MARCHF10: variants seen among roughly 807,000 people sequenced by gnomAD.
MARCHF10 encodes the protein membrane associated ring-CH-type finger 10.
In MARCHF10, 64 loss-of-function variants were observed where a neutral mutation model predicts 76.2. The ratio of observed to expected loss-of-function variants is 0.84; its 90% CI spans 0.69 to 1.03. The LOEUF is 1.03. MARCHF10 is among the 50% of genes least tolerant of loss of function. The pLI, the probability that MARCHF10 is intolerant of heterozygous loss-of-function variation, is 0.00. For synonymous variants in MARCHF10, 340 were observed against 357.5 expected (o/e 0.95, Z 0.55); for missense variants, 875 against 958.0 (o/e 0.91, Z 1.14).
chr17:62,737,920 A>AAATCG (rs1305231744), intron 5 of MARCHF10: 1 of 152,268 alleles, frequency 6.6e-6, no homozygotes, highest in Non-Finnish European at 1.5e-5. Flanking sequence ...ATCGCTCATG[A>AAATCG]AATCGTTATC....
chr17:62,776,187 T>C (rs754280595), intron 3 of MARCHF10, among the ~76,000 whole-genome samples: 11 of 152,192 alleles, frequency 7.2e-5, no homozygotes, highest in Non-Finnish European at 1.6e-4. Context: ...AACAAACACA[T>C]AGCGCTACTT....
intron 4 of MARCHF10, among the ~76,000 whole-genome samples, chr17:62,747,275 C>T (rs1007618901): frequency 1.3e-5 from 2 of 152,182 alleles, no homozygotes; most frequent in African/African-American, 4.8e-5. Flanking sequence ...GTGCAGAACG[C>T]CCAAGATGGC....
intron 3 of MARCHF10, among the ~76,000 whole-genome samples, chr17:62,786,859 A>G (rs529407315): frequency 6.6e-6 from 1 of 152,312 alleles, no homozygotes; most frequent in East Asian, 1.9e-4. Flanking sequence ...CCTCTGCATG[A>G]AAGTTCCCTG....
chr17:62,798,886 C>T (rs554486668), intron 2 of MARCHF10, among the ~76,000 whole-genome samples: 65 of 152,318 alleles, frequency 4.3e-4, no homozygotes, highest in South Asian at 1.0e-3. Flanking sequence ...AAATCAGGAT[C>T]TCAGGCTGGG....
intron 1 of MARCHF10, among the ~76,000 whole-genome samples, chr17:62,803,484 G>A (rs2093111420): frequency 6.6e-6 from 1 of 151,878 alleles, no homozygotes; most frequent in Non-Finnish European, 1.5e-5. Context: ...AGGAGGAGGT[G>A]GAGGACAGTG....
chr17:62,803,057 G>A (rs1233141494), intron 1 of MARCHF10, among the ~76,000 whole-genome samples: 6 of 152,120 alleles, frequency 3.9e-5, no homozygotes, highest in Admixed American at 6.5e-5. Context: ...CACGCCTCCC[G>A]AGGTGAATCA....
In MARCHF10 at chr17:62,725,091, C is replaced by T. The variant is rs1417005034; in HGVS notation, c.1951G>A (p.Asp651Asn). 1.3e-6 allele frequency: 2 copies of T among 1,598,960 alleles called. No individual in the cohort carries two copies. The highest frequency in any genetic ancestry group is 1.7e-6 in the Non-Finnish European group (2 of 1,175,022). Residue 651 changes from aspartate to asparagine, a missense_variant, in exon 7 of 11, where the codon GAC (aspartate) becomes AAC (asparagine). Coordinates refer to ENST00000311269, the MANE Select transcript of MARCHF10 (RefSeq NM_152598.4). ...KKLQESLLEEDSEEEGDLCRI... is the reference protein window; with the variant it reads ...KKLQESLLEENSEEEGDLCRI... ...CACAAGTCTCCCTCCTCCTCGGAGT[C>T]CTCCTCCAGGAGACTAAATGTGAAA...
chr17:62,782,744 C>G (rs1416998058), intron 3 of MARCHF10, among the ~76,000 whole-genome samples: 1 of 152,098 alleles, frequency 6.6e-6, no homozygotes, highest in Non-Finnish European at 1.5e-5. Flanking sequence ...TTTCTTGGAT[C>G]TGGCTTGAGT....
intron 5 of MARCHF10, chr17:62,737,873 G>C (rs1260545167): frequency 6.6e-6 from 1 of 152,476 alleles, no homozygotes; most frequent in Admixed American, 6.6e-5. Context: ...TGGGGATTTT[G>C]GTCATGTTTA....
chr17:62,702,566 T>C (rs1421663730), intron 10 of MARCHF10, among the ~76,000 whole-genome samples: 1 of 151,716 alleles, frequency 6.6e-6, no homozygotes, highest in East Asian at 1.9e-4. Flanking sequence ...CTTAGGAGGT[T>C]GAGGCAGGAG....
rs531647186 is a variant in MARCHF10 at position 62,711,312 on chromosome 17, G to C, written c.2247C>G (p.Tyr749Ter). Reference sequence around the variant, plus strand: ...CATAGAGGTGAAGCAGCAGCACCAGGTACAAGCCTGAATTCATCAGCTCGT... The same window carrying C: ...CATAGAGGTGAAGCAGCAGCACCAGCTACAAGCCTGAATTCATCAGCTCGT... ...AQNELMNSGL[Y>*]LVLLLHLYEQ... Residue 749 changes from tyrosine to a stop codon, truncating the protein, a stop_gained, in exon 9 of 11, where the codon TAC becomes TAG. Coordinates refer to ENST00000311269, the MANE Select transcript of MARCHF10 (RefSeq NM_152598.4). LOFTEE classifies it high-confidence loss of function. The surrounding 1 kb of genome is among the most constrained non-coding windows in gnomAD (Gnocchi z 4.4). 20 of 1,614,152 alleles carry C rather than the reference G, an allele frequency of 1.2e-5. 1 individual carries two copies. The East Asian group carries it at 4.2e-4, about 34-fold the overall frequency.
At chr17:62,701,826 G>C (rs778306629) in intron 10 of MARCHF10, 68 bp from the exon 11 acceptor site, 81 of 1,595,814 alleles carry the variant, frequency 5.1e-5, no homozygotes, top group Admixed American at 1.7e-5. Context: ...CAGGGGGCAC[G>C]GCACTGCTGC....
intron 3 of MARCHF10, among the ~76,000 whole-genome samples, chr17:62,780,285 C>A (rs2092634307): frequency 6.6e-6 from 1 of 152,190 alleles, no homozygotes; most frequent in African/African-American, 2.4e-5. Flanking sequence ...CAGTTTTAGA[C>A]CTTTGCTGCT....
chr17:62,755,078 G>T (rs1001671396), intron 4 of MARCHF10, among the ~76,000 whole-genome samples: 2 of 152,210 alleles, frequency 1.3e-5, no homozygotes, highest in Non-Finnish European at 2.9e-5. Flanking sequence ...CAGCTGAAAA[G>T]TCTTCTTACT....
At chr17:62,750,984 T>C (rs911979625) in intron 4 of MARCHF10, among the ~76,000 whole-genome samples, 2 of 152,124 alleles carry the variant, frequency 1.3e-5, no homozygotes, top group Non-Finnish European at 2.9e-5. Flanking sequence ...TGCCCTGATC[T>C]GGCCTTTCTG....
rs776596450 is a variant in MARCHF10, at chr17:62,746,943, T to C, written c.383-2415A>G. The stretch of plus-strand genomic sequence containing the variant: ...CAGCCAGAAGGTCCTCCGAGGTCTG[T>C]TTCCGGTTTATTCCACCAAGTCGGC... On this transcript the variant is annotated intron_variant, in intron 4 of 10. Coordinates refer to ENST00000311269, the MANE Select transcript of MARCHF10 (RefSeq NM_152598.4). 5 of 1,536,052 alleles carry C rather than the reference T, an allele frequency of 3.3e-6. No individual in the cohort carries two copies. The South Asian group carries it at 4.8e-5, about 15-fold the overall frequency.
At chr17:62,716,421 C>A (rs1487578412) in intron 8 of MARCHF10, among the ~76,000 whole-genome samples, 1 of 149,826 alleles carries the variant, frequency 6.7e-6, no homozygotes, top group Non-Finnish European at 1.5e-5. Flanking sequence ...GTGAGACAGA[C>A]CCCATCTCTC....
chr17:62,806,635 A>G (rs1026505046), intron 1 of MARCHF10: 2 of 152,242 alleles, frequency 1.3e-5, no homozygotes, highest in Non-Finnish European at 2.9e-5. Context: ...AGCAAGAGCG[A>G]GTAATTCTTC....
At chr17:62,753,514 T>G (rs2147915785) in intron 4 of MARCHF10, among the ~76,000 whole-genome samples, 1 of 152,326 alleles carries the variant, frequency 6.6e-6, no homozygotes, top group South Asian at 2.1e-4. Context: ...GGTTCTGCAT[T>G]TCTAAGAAGC....
Sources: allele counts gnomAD v4.1 joint callset (sites outside exome capture counted in the v4.1 genomes callset), GRCh38; gene constraint gnomAD v4.1.1; non-coding constraint Gnocchi (gnomAD v3.1); transcripts MANE v1.5; gene names NCBI Gene and HGNC (gene_info 2026-07-23, HGNC 2026-07-21).